Variants in HIPK2 observed in about 807,000 individuals in gnomAD.
The protein encoded by HIPK2 is homeodomain interacting protein kinase 2.
In HIPK2, 27 loss-of-function variants were observed where a neutral mutation model predicts 113.7. The ratio of observed to expected loss-of-function variants is 0.24; its 90% CI spans 0.17 to 0.33. The LOEUF is 0.33. Among genes scored for constraint, HIPK2 ranks in the 10% least tolerant of loss-of-function variants. The pLI, the probability that HIPK2 is intolerant of heterozygous loss-of-function variation, is 1.00. For synonymous variants in HIPK2, 631 were observed against 642.2 expected (o/e 0.98, Z 0.26); for missense variants, 1,257 against 1,588.0 (o/e 0.79, Z 3.54).
At chr7:139,579,190 G>A (rs1197501116) in intron 13 of HIPK2, among the ~76,000 whole-genome samples, 1 of 152,214 alleles carries the variant, frequency 6.6e-6, no homozygotes, top group Non-Finnish European at 1.5e-5. Context: ...TGAGGAAGGT[G>A]CCCAAAGTAG....
rs898312321 is a variant in HIPK2 at position 139,600,414 on chromosome 7, T to C, written c.2435+3A>G. 1.2e-6 allele frequency: 2 copies of C among 1,612,444 alleles called. No homozygotes were observed. Among genetic ancestry groups the C allele is most frequent in the Non-Finnish European group, 1.7e-6 (2 of 1,179,416 alleles). ...CTTCCCTAGGGTGGCTCTCACCACC[T>C]ACCTCACAGATGACTGGTGCTGCTT... On this transcript the variant is annotated splice_donor_region_variant and intron_variant, in intron 11 of 14. Coordinates refer to ENST00000406875, the MANE Select transcript of HIPK2 (RefSeq NM_022740.5).
intron 2 of HIPK2, among the ~76,000 whole-genome samples, chr7:139,692,855 G>A (rs1256355984): frequency 6.6e-6 from 1 of 152,220 alleles, no homozygotes; most frequent in Non-Finnish European, 1.5e-5. Context: ...TAAATTTCAG[G>A]AGCCAAGGGC....
intron 2 of HIPK2, among the ~76,000 whole-genome samples, chr7:139,700,883 T>A (rs1435449497): frequency 7.2e-5 from 11 of 152,142 alleles, no homozygotes; most frequent in Admixed American, 7.2e-4. Context: ...GTATTCAAAA[T>A]CACTTGCAGA....
intron 2 of HIPK2, among the ~76,000 whole-genome samples, chr7:139,671,577 T>G (rs2116640725): frequency 6.6e-6 from 1 of 151,898 alleles, no homozygotes; most frequent in East Asian, 1.9e-4. Flanking sequence ...TTTGACAGAG[T>G]CTCTCGCTGT....
chr7:139,757,641 T>G (rs1399800116), intron 1 of HIPK2, among the ~76,000 whole-genome samples: 4 of 152,134 alleles, frequency 2.6e-5, no homozygotes, highest in Non-Finnish European at 5.9e-5. Context: ...ATGATTCCAT[T>G]TATAGAAAAC....
chr7:139,640,141 T>C (rs1290663393), intron 2 of HIPK2, among the ~76,000 whole-genome samples: 3 of 152,176 alleles, frequency 2.0e-5, no homozygotes, highest in African/African-American at 7.2e-5. Flanking sequence ...TAAACACACA[T>C]GAAGTGTCAG....
intron 1 of HIPK2, among the ~76,000 whole-genome samples, chr7:139,741,929 G>A (rs112825245): frequency 2.6e-5 from 4 of 152,142 alleles, no homozygotes; most frequent in Admixed American, 6.5e-5. Flanking sequence ...TAAGCCTCAC[G>A]GCAACCCTGG....
chr7:139,599,336 AC>A (rs1299913777), intron 11 of HIPK2, among the ~76,000 whole-genome samples: 1 of 151,536 alleles, frequency 6.6e-6, no homozygotes, highest in South Asian at 2.1e-4. Context: ...CACAGTCATA[AC>A]CCCCCCTACA....
chr7:139,652,456 G>A (rs1801497592), intron 2 of HIPK2, among the ~76,000 whole-genome samples: 1 of 152,204 alleles, frequency 6.6e-6, no homozygotes, highest in Admixed American at 6.5e-5. Context: ...GCTAGAGGGT[G>A]ATACCAAGTC....
At chr7:139,673,501 G>A (rs1802378541) in intron 2 of HIPK2, among the ~76,000 whole-genome samples, 1 of 152,120 alleles carries the variant, frequency 6.6e-6, no homozygotes, top group Non-Finnish European at 1.5e-5. Context: ...TAAGTGGGTT[G>A]GGGAAGCCCC....
In HIPK2 at chr7:139,716,020, G is replaced by A; in HGVS notation, c.1015C>T (p.Pro339Ser). The stretch of plus-strand genomic sequence containing the variant: ...AAGTCGATGACCTTGACTCTGTATG[G>A]TTGTCTAGATGGATCCACCAGCATG... ...NIMLVDPSRQ[P>S]YRVKVIDFGS... Residue 339 changes from proline (P) to serine (S), a missense_variant, in exon 2 of 15, where the codon CCA becomes TCA. Pro to Ser is a moderately conservative substitution (Grantham distance 74, BLOSUM62 -1). Around this residue, in one of 5 missense-constraint regions of HIPK2, gnomAD observed 84 missense variants for 182.2 expected, o/e 0.46. Coordinates refer to ENST00000406875, the MANE Select transcript of HIPK2 (RefSeq NM_022740.5). The surrounding 1 kb of genome is among the most constrained non-coding windows in gnomAD (Gnocchi z 9.3). 1.9e-6 allele frequency: 3 copies of A among 1,614,112 alleles called. No homozygotes were observed. The highest frequency in any genetic ancestry group is 1.6e-4 in the Middle Eastern group (1 of 6,062).
At chr7:139,711,527 C>T (rs747760257) in intron 2 of HIPK2, among the ~76,000 whole-genome samples, 37 of 152,060 alleles carry the variant, frequency 2.4e-4, no homozygotes, top group Non-Finnish European at 4.7e-4. Context: ...AACAGTCCTA[C>T]GTGTTTCAAA....
At chr7:139,745,407 T>TC (rs575940846) in intron 1 of HIPK2, among the ~76,000 whole-genome samples, 108 of 151,474 alleles carry the variant, frequency 7.1e-4, no homozygotes, top group Non-Finnish European at 1.4e-3. Context: ...GCAACTATCC[T>TC]CCCCCCGAGT....
At chr7:139,704,788 G>A (rs950593676) in intron 2 of HIPK2, among the ~76,000 whole-genome samples, 1 of 151,990 alleles carries the variant, frequency 6.6e-6, no homozygotes, top group East Asian at 1.9e-4. Flanking sequence ...GGCCTCCAGC[G>A]CCCCGTCCCA....
intron 11 of HIPK2, 99 bp downstream of exon 11, chr7:139,600,318 C>G: frequency 7.4e-7 from 1 of 1,348,992 alleles, no homozygotes; most frequent in East Asian, 2.4e-5. Context: ...ATGCAACTGT[C>G]CCATGTTCAG....
chr7:139,745,514 A>G (rs1449193778), intron 1 of HIPK2, among the ~76,000 whole-genome samples: 1 of 152,158 alleles, frequency 6.6e-6, no homozygotes, highest in Non-Finnish European at 1.5e-5. Flanking sequence ...GAGGACTCTA[A>G]GTTGGGGGTC....
At chr7:139,624,314 C>T (rs1239686284) in intron 6 of HIPK2, among the ~76,000 whole-genome samples, 3 of 152,142 alleles carry the variant, frequency 2.0e-5, no homozygotes, top group African/African-American at 7.2e-5. Flanking sequence ...TGAGCCACTG[C>T]AACCGGCCAT....
At chr7:139,717,449 T>C (rs1248355245) in intron 1 of HIPK2, among the ~76,000 whole-genome samples, 1 of 152,204 alleles carries the variant, frequency 6.6e-6, no homozygotes, top group Non-Finnish European at 1.5e-5. Context: ...TCAAGTTTAC[T>C]GGTTTGAGAA....
At chr7:139,717,309 A>C (rs552179821) in intron 1 of HIPK2, among the ~76,000 whole-genome samples, 40 of 152,142 alleles carry the variant, frequency 2.6e-4, no homozygotes, top group African/African-American at 9.4e-4. Flanking sequence ...TTTTTTTGTA[A>C]ACATTACTTG....
Sources: allele counts gnomAD v4.1 joint callset (sites outside exome capture counted in the v4.1 genomes callset), GRCh38; gene constraint gnomAD v4.1.1; regional missense constraint gnomAD v4.1.1; non-coding constraint Gnocchi (gnomAD v3.1); transcripts MANE v1.5; gene names NCBI Gene and HGNC (gene_info 2026-07-23, HGNC 2026-07-21).